CD101: variants seen among roughly 807,000 people sequenced by gnomAD.
CD101 encodes the protein CD101 molecule, also known as immunoglobulin superfamily member 2.
A neutral mutation model predicts 98.2 loss-of-function variants in CD101; 76 were observed. The ratio of observed to expected loss-of-function variants is 0.77; its 90% CI spans 0.64 to 0.94. CD101 has a LOEUF of 0.94. Among genes scored for constraint, CD101 ranks in the 40% least tolerant of loss-of-function variants. CD101 has a pLI of 0.00. For missense variants in CD101, 1,145 were observed against 1,218.8 expected (o/e 0.94, Z 0.90); for synonymous variants, 471 against 472.7 (o/e 1.00, Z 0.05).
At chr1:117,001,938 A>G in intron 1 of CD101, 78 bp downstream of exon 1, 1 of 1,395,178 alleles carries the variant, frequency 7.2e-7, no homozygotes, top group Non-Finnish European at 1.0e-6. Flanking sequence ...GAACAGGACA[A>G]TTTGGTCTCT....
intron 1 of CD101, among the ~76,000 whole-genome samples, chr1:117,008,615 C>T (rs556359451): frequency 4.6e-5 from 7 of 152,246 alleles, no homozygotes; most frequent in African/African-American, 1.7e-4. Flanking sequence ...GTGCTTTTGC[C>T]CTTTTTTGTA....
chr1:117,011,479 G>T, intron 2 of CD101, 71 bp from the exon 3 acceptor site: 1 of 1,353,624 alleles, frequency 7.4e-7, no homozygotes, highest in Non-Finnish European at 1.0e-6. Context: ...GGGTAGCTCA[G>T]GGCGCCATCT....
chr1:117,034,288 CTT>C (rs1654661108), intron 9 of CD101, 154 bp downstream of exon 9: 2 of 653,322 alleles, frequency 3.1e-6, no homozygotes, highest in Admixed American at 2.9e-5. Context: ...TCCTTTGTGT[CTT>C]ACCTCATCCA....
Position 117,010,046 on chromosome 1 carries a change from C to A in CD101, c.240C>A (p.Phe80Leu). The change falls in exon 2 of 10, where the codon TTC becomes TTA. Residue 80 changes from phenylalanine (F) to leucine (L), a missense_variant. Transcript: ENST00000682167. The surrounding 1 kb of genome is among the most constrained non-coding windows in gnomAD (Gnocchi z 5.2). ...TCATTAGCACCAAGGATGCTGCCTT[C>A]TCTTACGCAGTATATACGCAGCGGG... is the stretch of plus-strand genomic sequence containing the variant. ...VQIISTKDAAFSYAVYTQRVR... is the reference protein window; with the variant it reads ...VQIISTKDAALSYAVYTQRVR... 3 of 1,614,224 alleles carry A rather than the reference C, an allele frequency of 1.9e-6. No individual in the cohort carries two copies. The Middle Eastern group carries it at 5.0e-4, about 266-fold the overall frequency.
Position 117,034,150 on chromosome 1 carries a change from T to C in CD101, c.*33+16T>C, listed in dbSNP as rs371924370. On this transcript the variant is annotated intron_variant, in intron 9 of 9. Coordinates refer to ENST00000682167, the MANE Select transcript of CD101 (RefSeq NM_001256106.3). Reference sequence around the variant, plus strand: ...GGAAGGAAAGGTGGGGGCTTTTTAATTGGGCTAACCAGGGTGTGAATGAAT... The same window carrying C: ...GGAAGGAAAGGTGGGGGCTTTTTAACTGGGCTAACCAGGGTGTGAATGAAT... 7 of 1,601,372 alleles carry C rather than the reference T, an allele frequency of 4.4e-6. No individual in the cohort carries two copies. Among genetic ancestry groups the C allele is most frequent in the African/African-American group, 1.3e-5 (1 of 74,506 alleles).
At chr1:117,031,724 A>C (rs1018320380) in intron 8 of CD101, among the ~76,000 whole-genome samples, 1 of 152,210 alleles carries the variant, frequency 6.6e-6, no homozygotes, top group Non-Finnish European at 1.5e-5. Context: ...TTTATTATAC[A>C]TTATCTCATC....
chr1:117,029,053 A>AAG (rs968706738), intron 8 of CD101, among the ~76,000 whole-genome samples: 3 of 148,882 alleles, frequency 2.0e-5, no homozygotes, highest in Non-Finnish European at 4.4e-5. Context: ...AAAAGAAAGA[A>AAG]AGAGAGAGAG....
rs35135251 is a variant in CD101, at chr1:117,014,228, T to TGTGAGA, written c.1228+437_1228+438insTGAGAG. On this transcript the variant is annotated intron_variant, in intron 4 of 9. Transcript: ENST00000682167. ...GTGTGTGTGTGTGTGTGTGTGTGTG[T>TGTGAGA]GATATGAATAGGTTAAGAGTAAAAA... Among the ~76,000 whole-genome samples, 9 of 141,036 alleles carry TGTGAGA rather than the reference T, an allele frequency of 6.4e-5. No homozygotes were observed. The East Asian group carries it at 8.4e-4, about 13-fold the overall frequency. 92.5% of individuals were successfully genotyped at this position (141,036 alleles called of 152,430 possible).
At chr1:117,030,303 G>A (rs1654365256) in intron 8 of CD101, among the ~76,000 whole-genome samples, 1 of 152,014 alleles carries the variant, frequency 6.6e-6, no homozygotes, top group African/African-American at 2.4e-5. Context: ...GATTGCTTGA[G>A]TTTGGAGGTC....
Position 117,004,420 on chromosome 1 carries a change from A to G in CD101, c.43+2560A>G, listed in dbSNP as rs781505159. On this transcript the variant is annotated intron_variant, in intron 1 of 9. Coordinates refer to ENST00000682167, the MANE Select transcript of CD101 (RefSeq NM_001256106.3). The surrounding 1 kb of genome is among the most constrained non-coding windows in gnomAD (Gnocchi z 4.1). Reference sequence around the variant, plus strand: ...GTTCAACCTAATCGTTTTCATTCAAATAATACTGCAGTGGTAAATTTGACA... The same window carrying G: ...GTTCAACCTAATCGTTTTCATTCAAGTAATACTGCAGTGGTAAATTTGACA... 4.6e-5 allele frequency among the ~76,000 whole-genome samples: 7 copies of G among 152,222 alleles called. No individual in the cohort carries two copies. The highest frequency in any genetic ancestry group is 1.0e-4 in the Non-Finnish European group (7 of 68,036).
In CD101 at chr1:117,018,694, T is replaced by C; in HGVS notation, c.2017+134T>C. The C allele has an allele frequency of 1.2e-6, 1 of 813,744 alleles. No individual in the cohort carries two copies. The allele number at this position is 813,744 out of a possible 1,614,324, so 50.4% of individuals were successfully genotyped here. A position where few individuals can be genotyped will look rare whatever the true frequency, so the allele number is the denominator to read the frequency against. ...TTCTATCTAAGTAAGCACCACATGA[T>C]GAATGATACCCAGGTTAACATTGAG... On this transcript the variant is annotated intron_variant, in intron 6 of 9. Coordinates refer to ENST00000682167, the MANE Select transcript of CD101 (RefSeq NM_001256106.3). The surrounding 1 kb of genome is among the most constrained non-coding windows in gnomAD (Gnocchi z 4.3).
rs754249125 is a variant in CD101 at position 117,017,187 on chromosome 1, CCT to C, written c.1327_1328del (p.Leu443ValfsTer67). Reference protein sequence around the residue: ...LCKAGGAESPLSVSWWHIPRD... With the variant: ...LCKAGGAESPXSVSWWHIPRD... ...GTAAGGCTGGTGGAGCTGAAAGTCC[CCT>C]GTCTGTGAGCTGGTGGCACATCCCA... On this transcript the variant is annotated frameshift_variant, in exon 5 of 10. Coordinates refer to ENST00000682167, the MANE Select transcript of CD101 (RefSeq NM_001256106.3). LOFTEE classifies it high-confidence loss of function. 9.9e-6 allele frequency: 16 copies of C among 1,614,232 alleles called. No homozygotes were observed. In the South Asian group the frequency reaches 1.1e-4, roughly 11 times the overall value.
chr1:117,018,233 G>T lies in CD101; in HGVS notation c.1690G>T (p.Val564Leu). The T allele has an allele frequency of 1.9e-6, 3 of 1,614,126 alleles. No individual in the cohort carries two copies. Among genetic ancestry groups the T allele is most frequent in the Non-Finnish European group, 2.5e-6 (3 of 1,180,026 alleles). Residue 564 changes from valine to leucine, a missense_variant, in exon 6 of 10, where the codon GTG (valine) becomes TTG (leucine). Val to Leu is a conservative substitution (Grantham distance 32). Coordinates refer to ENST00000682167, the MANE Select transcript of CD101 (RefSeq NM_001256106.3). The surrounding 1 kb of genome is among the most constrained non-coding windows in gnomAD (Gnocchi z 4.3). The stretch of plus-strand genomic sequence containing the variant: ...CAACACCTTTGACCTGTCCTGTGTC[G>T]TGAGGGCCGGTTACTCTGACCTCAA... ...LTNTFDLSCV[V>L]RAGYSDLKVP...
intron 4 of CD101, among the ~76,000 whole-genome samples, chr1:117,014,346 C>A (rs1023427191): frequency 1.3e-5 from 2 of 152,060 alleles, no homozygotes; most frequent in African/African-American, 4.8e-5. Context: ...CTGTTAGTCT[C>A]CTACTATGTT....
chr1:117,025,496 T>C lies in CD101; in HGVS notation c.2429-13T>C. ...GTCTGCATTCTCTAATTTACTGCCA[T>C]TTTATTTTCTAGGAAGTAAGGTACG... is the stretch of plus-strand genomic sequence containing the variant. On this transcript the variant is annotated splice_polypyrimidine_tract_variant and intron_variant, in intron 7 of 9. Coordinates refer to ENST00000682167, the MANE Select transcript of CD101 (RefSeq NM_001256106.3). 2.6e-6 allele frequency: 4 copies of C among 1,513,750 alleles called. No homozygotes were observed. The highest frequency in any genetic ancestry group is 3.5e-6 in the Non-Finnish European group (4 of 1,135,804). The allele number at this position is 1,513,750 out of a possible 1,614,324, so 93.8% of individuals were successfully genotyped here. A position where few individuals can be genotyped will look rare whatever the true frequency, so the allele number is the denominator to read the frequency against.
In CD101 at chr1:117,010,353, A is replaced by G. The variant is rs945658961; in HGVS notation, c.424+123A>G. On this transcript the variant is annotated intron_variant, in intron 2 of 9. Coordinates refer to ENST00000682167, the MANE Select transcript of CD101 (RefSeq NM_001256106.3). The surrounding 1 kb of genome is among the most constrained non-coding windows in gnomAD (Gnocchi z 5.2). ...TTTTCTTTGGGAAAAGAGCCCATGT[A>G]CCCCTGTGGATATTTTGGAGATATG... The G allele has an allele frequency of 5.0e-6, 5 of 992,072 alleles. No individual in the cohort carries two copies. The African/African-American group carries it at 8.1e-5, about 16-fold the overall frequency. 61.5% of individuals were successfully genotyped at this position (992,072 alleles called of 1,614,324 possible).
Position 117,005,290 on chromosome 1 carries a change from T to C in CD101, c.43+3430T>C, listed in dbSNP as rs1652467091. Among the ~76,000 whole-genome samples, 1 of 152,134 alleles carries C rather than the reference T, an allele frequency of 6.6e-6. No individual in the cohort carries two copies. Among genetic ancestry groups the C allele is most frequent in the Non-Finnish European group, 1.5e-5 (1 of 68,014 alleles). ...CCTACCGCTCCTCACCTAGCTACTCTTTCTAGCTGCCATCCTAATCTTCAT... is the reference window on the plus strand; with the variant it reads ...CCTACCGCTCCTCACCTAGCTACTCCTTCTAGCTGCCATCCTAATCTTCAT... On this transcript the variant is annotated intron_variant, in intron 1 of 9. Coordinates refer to ENST00000682167, the MANE Select transcript of CD101 (RefSeq NM_001256106.3). This position sits in a 1 kb window ranked among gnomAD's most constrained non-coding sequence, Gnocchi z 4.4.
chr1:117,034,446 G>A (rs993543982), intron 9 of CD101, among the ~76,000 whole-genome samples: 3 of 152,178 alleles, frequency 2.0e-5, no homozygotes, highest in East Asian at 1.9e-4. Flanking sequence ...CCCTGGTGGG[G>A]CTTCTCTCTC....
chr1:117,028,539 C>T (rs1021624139), intron 8 of CD101, among the ~76,000 whole-genome samples: 1 of 152,154 alleles, frequency 6.6e-6, no homozygotes, highest in African/African-American at 2.4e-5. Flanking sequence ...TTGTAGATTA[C>T]AAGTCATCCA....
Sources: allele counts gnomAD v4.1 joint callset (sites outside exome capture counted in the v4.1 genomes callset), GRCh38; gene constraint gnomAD v4.1.1; non-coding constraint Gnocchi (gnomAD v3.1); transcripts MANE v1.5; gene names NCBI Gene and HGNC (gene_info 2026-07-23, HGNC 2026-07-21).